BRAP: variants seen among roughly 807,000 people sequenced by gnomAD.
The protein encoded by BRAP is BRCA1-associated protein.
A neutral mutation model predicts 73.4 loss-of-function variants in BRAP; 42 were observed. The ratio of observed to expected loss-of-function variants is 0.57; its 90% CI spans 0.45 to 0.74. The LOEUF (loss-of-function observed/expected upper bound fraction) is 0.74. BRAP is among the 30% of genes least tolerant of loss of function. BRAP has a pLI of 0.00. For synonymous variants in BRAP, 255 were observed against 267.4 expected (o/e 0.95, Z 0.45); for missense variants, 593 against 751.4 (o/e 0.79, Z 2.46).
At chr12:111,678,913 A>C (rs1944233960) in intron 4 of BRAP, among the ~76,000 whole-genome samples, 1 of 151,746 alleles carries the variant, frequency 6.6e-6, no homozygotes, top group Non-Finnish European at 1.5e-5. Flanking sequence ...CTTGAGGCCA[A>C]GAGTAGCCTG....
intron 6 of BRAP, among the ~76,000 whole-genome samples, chr12:111,663,130 T>C (rs941248557): frequency 1.3e-5 from 2 of 152,058 alleles, no homozygotes; most frequent in African/African-American, 4.8e-5. Flanking sequence ...TTCTATGATA[T>C]ACTACCTCAT....
intron 5 of BRAP, chr12:111,670,241 C>T (rs1418891133): frequency 2.2e-5 from 13 of 598,982 alleles, no homozygotes; most frequent in African/African-American, 5.6e-5. Context: ...CTCAATGCTG[C>T]GACTGGAACT....
chr12:111,664,952 A>G (rs1592982695), intron 6 of BRAP, among the ~76,000 whole-genome samples: 1 of 152,118 alleles, frequency 6.6e-6, no homozygotes, highest in South Asian at 2.1e-4. Flanking sequence ...TATGGCTGTG[A>G]TTTATTTACT....
Position 111,667,698 on chromosome 12 carries a change from CAAAAAAAAAAA to C in BRAP, c.748-1922_748-1912del, listed in dbSNP as rs565349424. Among the ~76,000 whole-genome samples, 11 of 21,292 alleles carry C rather than the reference CAAAAAAAAAAA, an allele frequency of 5.2e-4. 1 individual carries two copies. Among genetic ancestry groups the C allele is most frequent in the African/African-American group, 1.9e-3 (10 of 5,174 alleles). 14.0% of individuals were successfully genotyped at this position (21,292 alleles called of 152,430 possible). A position where few individuals can be genotyped will look rare whatever the true frequency, so the allele number is the denominator to read the frequency against. ...TGGGAGACAGAGTGAAACTCCGTCT[CAAAAAAAAAAA>C]AAAAAAAAAAAAGCTCATACACAAT... On this transcript the variant is annotated intron_variant, in intron 5 of 11. Transcript: ENST00000419234.
intron 2 of BRAP, among the ~76,000 whole-genome samples, chr12:111,682,497 C>CAAAAAAAAAAAAAAAAAAAAAA (rs11366915): frequency 1.3e-5 from 1 of 77,902 alleles, no homozygotes; most frequent in Non-Finnish European, 2.4e-5. Flanking sequence ...GAGACTGTCT[C>CAAAAAAAAAAAAAAAAAAAAAA]AAAAAAAAAA....
rs560139531 is a variant in BRAP at position 111,659,194 on chromosome 12, G to C, written c.1111+13C>G. 5.6e-6 allele frequency: 9 copies of C among 1,611,390 alleles called. No individual in the cohort carries two copies. The highest frequency in any genetic ancestry group is 7.6e-6 in the Non-Finnish European group (9 of 1,178,430). On this transcript the variant is annotated intron_variant, in intron 8 of 11. Transcript: ENST00000419234. ...CAGAATGAGTCCAAATTAGAAAAGAGAGTGGTATTCACCTCCAGCATAGTC... is the reference window on the plus strand; with the variant it reads ...CAGAATGAGTCCAAATTAGAAAAGACAGTGGTATTCACCTCCAGCATAGTC...
In BRAP at chr12:111,644,497, T is replaced by G. The variant is rs149777018; in HGVS notation, c.1481A>C (p.Asn494Thr). The G allele has an allele frequency of 1.2e-6, 2 of 1,614,054 alleles. No individual in the cohort carries two copies. The highest frequency in any genetic ancestry group is 1.7e-6 in the Non-Finnish European group (2 of 1,180,038). ...TNELKEEQEM[N>T]KCLRANQVLL... ...GACTTGGTTGGCTCGCAAACACTTG[T>G]TCATTTCCTGCTCCTCTTTGAGCTC... is the stretch of plus-strand genomic sequence containing the variant. Residue 494 changes from asparagine (N) to threonine (T), a missense_variant, in exon 12 of 12, where the codon AAC becomes ACC. By Grantham distance (65) the Asn-to-Thr change is moderately conservative. Transcript: ENST00000419234.
intron 6 of BRAP, among the ~76,000 whole-genome samples, chr12:111,661,272 C>A (rs1420599895): frequency 2.0e-5 from 3 of 150,318 alleles, no homozygotes; most frequent in Non-Finnish European, 3.0e-5. Context: ...GCCACAGCTC[C>A]CAGCTTGTTT....
At chr12:111,667,226 T>G (rs1886979111) in intron 5 of BRAP, among the ~76,000 whole-genome samples, 1 of 152,180 alleles carries the variant, frequency 6.6e-6, no homozygotes. Flanking sequence ...GTGTTAGGAA[T>G]ATACACAGGA....
At position 111,655,566 on chromosome 12, in the gene BRAP, T is replaced by G. The variant is rs749095402; in HGVS notation, c.1311A>C (p.Glu437Asp). ...AGTCACCCAAACCAAACAGACTTAC[T>G]TCCTCTGCTGTGTCCTTCTCTATCC... is the stretch of plus-strand genomic sequence containing the variant. ...IVRIEKDTAEEINNMKTKFKE... is the reference protein window; with the variant it reads ...IVRIEKDTAEDINNMKTKFKE... The change falls in exon 10 of 12, where the codon GAA becomes GAC. Residue 437 changes from glutamate to aspartate, a missense_variant and splice_region_variant. Glu to Asp is a conservative substitution (Grantham distance 45, BLOSUM62 2). Coordinates refer to ENST00000419234, the MANE Select transcript of BRAP (RefSeq NM_006768.5). The G allele has an allele frequency of 6.2e-7, 1 of 1,610,772 alleles. No individual in the cohort carries two copies. Among genetic ancestry groups the G allele is most frequent in the African/African-American group, 1.3e-5 (1 of 74,844 alleles).
chr12:111,680,419 G>A (rs760549096), intron 3 of BRAP, among the ~76,000 whole-genome samples: 5 of 151,970 alleles, frequency 3.3e-5, no homozygotes, highest in Non-Finnish European at 7.4e-5. Flanking sequence ...TACCTGTGCC[G>A]GGTGCAGTGA....
Position 111,685,953 on chromosome 12 carries a change from C to A in BRAP, c.-161G>T, listed in dbSNP as rs1404360024. The A allele has an allele frequency of 5.6e-5, 23 of 412,658 alleles. No homozygotes were observed. Among genetic ancestry groups the A allele is most frequent in the South Asian group, 3.4e-4 (5 of 14,504 alleles). 25.6% of individuals were successfully genotyped at this position (412,658 alleles called of 1,614,324 possible). ...CCTCGAACAGCCCTCGGAGCCACAACAACCTCCACTTCCGCCTCCCGGCCG... is the reference window on the plus strand; with the variant it reads ...CCTCGAACAGCCCTCGGAGCCACAAAAACCTCCACTTCCGCCTCCCGGCCG... On this transcript the variant is annotated 5_prime_UTR_variant, in exon 1 of 12. Transcript: ENST00000419234.
At chr12:111,659,436 C>T in intron 7 of BRAP, 91 bp from the exon 8 acceptor site, 1 of 1,290,718 alleles carries the variant, frequency 7.7e-7, no homozygotes, top group Non-Finnish European at 1.1e-6. Flanking sequence ...GATGGATCAC[C>T]TGAGGTCAGG....
intron 4 of BRAP, among the ~76,000 whole-genome samples, chr12:111,675,658 C>G (rs1566126864): frequency 6.6e-6 from 1 of 151,580 alleles, no homozygotes; most frequent in Non-Finnish European, 1.5e-5. Context: ...ATTGTGTGGA[C>G]CCAAAACTTT....
At chr12:111,654,420 A>G (rs954489188) in intron 10 of BRAP, among the ~76,000 whole-genome samples, 3 of 151,928 alleles carry the variant, frequency 2.0e-5, no homozygotes, top group Non-Finnish European at 4.4e-5. Context: ...GGCTCCAGCA[A>G]TTCTCCTGCC....
chr12:111,666,983 TTCTC>T (rs1453601808), intron 5 of BRAP, among the ~76,000 whole-genome samples: 1 of 152,210 alleles, frequency 6.6e-6, no homozygotes, highest in Non-Finnish European at 1.5e-5. Context: ...TCTCAGTTGT[TTCTC>T]TCTCCCAGCT....
In BRAP at chr12:111,672,662, T is replaced by C; in HGVS notation, c.746A>G (p.Asp249Gly). The change falls in exon 5 of 12, where the codon GAT becomes GGT. Residue 249 changes from aspartate to glycine, a missense_variant and splice_region_variant. By Grantham distance (94) the Asp-to-Gly change is moderately conservative. Transcript: ENST00000419234. ...AATATAGGAACAATTCACACTTACA[T>C]CTTCAGATTTGAGCACTTCAGCTCT... The part of the protein sequence containing the change: ...VERAEVLKSE[D>G]GASLPVMDLT... 1.9e-6 allele frequency: 3 copies of C among 1,607,432 alleles called. No individual in the cohort carries two copies. Among genetic ancestry groups the C allele is most frequent in the East Asian group, 2.2e-5 (1 of 44,810 alleles).
At chr12:111,659,471 T>A (rs1476793364) in intron 7 of BRAP, 126 bp from the exon 8 acceptor site, 2 of 767,098 alleles carry the variant, frequency 2.6e-6, no homozygotes, top group Non-Finnish European at 4.0e-6. Context: ...CTGGCCAACA[T>A]GATGAAACCC....
rs1469899368 is a variant in BRAP, at chr12:111,658,823, A to G, written c.1134T>C (p.Val378=). Residue 378 remains valine, a synonymous_variant, in exon 9 of 12, where the codon GTT becomes GTC. Coordinates refer to ENST00000419234, the MANE Select transcript of BRAP (RefSeq NM_006768.5). ...YAGDNYVHRL[V]ASKTDGKIVQ... ...CTATTTTTCCATCTGTTTTACTTGC[A>G]ACCAGTCGATGAACATAGTTATCTA... 1 of 1,611,244 alleles carries G rather than the reference A, an allele frequency of 6.2e-7. No individual in the cohort carries two copies. Among genetic ancestry groups the G allele is most frequent in the Admixed American group, 1.7e-5 (1 of 59,944 alleles).
Sources: allele counts gnomAD v4.1 joint callset (sites outside exome capture counted in the v4.1 genomes callset), GRCh38; gene constraint gnomAD v4.1.1; transcripts MANE v1.5; gene names NCBI Gene and HGNC (gene_info 2026-07-23, HGNC 2026-07-21).